FCHO1: variants seen among roughly 807,000 people sequenced by gnomAD.
The protein encoded by FCHO1 is F-BAR domain only protein 1.
A neutral mutation model predicts 114.4 loss-of-function variants in FCHO1; 45 were observed. The ratio of observed to expected loss-of-function variants is 0.39; its 90% confidence interval spans 0.31 to 0.50. The LOEUF (loss-of-function observed/expected upper bound fraction) is 0.50, where lower values mean the gene tolerates loss of function less well. Among genes scored for constraint, FCHO1 ranks in the 20% least tolerant of loss-of-function variants. The pLI, the probability that FCHO1 is intolerant of heterozygous loss-of-function variation, is 0.77. For synonymous variants in FCHO1, 480 were observed against 488.9 expected (o/e 0.98, Z 0.24); for missense variants, 1,042 against 1,209.6 (o/e 0.86, Z 2.06).
At chr19:17,774,814 C>A (rs1191616618) in intron 13 of FCHO1, 1 of 584,126 alleles carries the variant, frequency 1.7e-6, no homozygotes, top group Non-Finnish European at 3.0e-6. Flanking sequence ...ACAAGGCAGC[C>A]CTTCAAATGA....
intron 20 of FCHO1, 57 bp downstream of exon 20, chr19:17,778,941 C>CATCA (rs1252618857): frequency 6.9e-7 from 1 of 1,459,440 alleles, no homozygotes; most frequent in Admixed American, 2.5e-5. Flanking sequence ...GGGGATTGAG[C>CATCA]GCCTGCTTTG....
chr19:17,754,946 C>G (rs1876477935), intron 3 of FCHO1, 172 bp from the exon 4 acceptor site: 1 of 585,258 alleles, frequency 1.7e-6, no homozygotes, highest in African/African-American at 1.9e-5. Flanking sequence ...ACTGGAGCTA[C>G]TTGGGACCAG....
chr19:17,781,697 C>A lies in FCHO1; in HGVS notation c.1829-15C>A. 1 of 1,589,896 alleles carries A rather than the reference C, an allele frequency of 6.3e-7. No homozygotes were observed. Among genetic ancestry groups the A allele is most frequent in the South Asian group, 1.1e-5 (1 of 88,384 alleles). On this transcript the variant is annotated splice_polypyrimidine_tract_variant and intron_variant, in intron 22 of 28. Coordinates refer to ENST00000596536, the MANE Select transcript of FCHO1 (RefSeq NM_015122.3). ...GTCTATCCGTTGTTCCCCATTCCCT[C>A]TCCACCACCCCCAGGAGTCTCCCGG... is the stretch of plus-strand genomic sequence containing the variant.
chr19:17,762,383 C>A (rs1042869974), intron 4 of FCHO1, among the ~76,000 whole-genome samples: 1 of 151,676 alleles, frequency 6.6e-6, no homozygotes, highest in Non-Finnish European at 1.5e-5. Context: ...CCCCTGTGGC[C>A]ACATAATTCC....
At chr19:17,759,959 A>C (rs548213682) in intron 4 of FCHO1, among the ~76,000 whole-genome samples, 16 of 152,230 alleles carry the variant, frequency 1.1e-4, no homozygotes, top group African/African-American at 3.4e-4. Flanking sequence ...TGCATTTGCC[A>C]ACACCTCTAC....
intron 28 of FCHO1, 31 bp downstream of exon 28, chr19:17,787,877 CAGG>C (rs1362329394): frequency 6.2e-7 from 1 of 1,600,310 alleles, no homozygotes; most frequent in Non-Finnish European, 8.5e-7. Flanking sequence ...TGGGTGACCT[CAGG>C]AGCCGAGATC....
chr19:17,769,520 A>G (rs553998200), intron 7 of FCHO1, among the ~76,000 whole-genome samples: 1 of 151,404 alleles, frequency 6.6e-6, no homozygotes, highest in East Asian at 2.0e-4. Context: ...CGGAGCTTGC[A>G]GTGAGCCAAG....
chr19:17,763,735 A>AT (rs537627843), intron 5 of FCHO1, among the ~76,000 whole-genome samples: 2 of 150,602 alleles, frequency 1.3e-5, no homozygotes, highest in Admixed American at 1.3e-4. Flanking sequence ...GTTAAAAAAA[A>AT]TTTTTTTTGT....
At chr19:17,757,770 G>T (rs2084247662) in intron 4 of FCHO1, among the ~76,000 whole-genome samples, 1 of 152,022 alleles carries the variant, frequency 6.6e-6, no homozygotes. Flanking sequence ...CAAAAAATTA[G>T]CTGGGTGTGG....
chr19:17,768,984 T>TAA lies in FCHO1; in HGVS notation c.337-1432_337-1431dup, dbSNP rs35517360. On this transcript the variant is annotated intron_variant, in intron 7 of 28. Coordinates refer to ENST00000596536, the MANE Select transcript of FCHO1 (RefSeq NM_015122.3). ...GGCAACACAGTGAGACCCCATCTCT[T>TAA]AAAAAAAAAAGCTGGGCACAGTGAC... Among the ~76,000 whole-genome samples the TAA allele has an allele frequency of 5.2e-3, 766 of 147,304 alleles. 4 individuals carry two copies. The highest frequency in any genetic ancestry group is 9.7e-3 in the Admixed American group (143 of 14,758).
rs1439097583 is a variant in FCHO1, at chr19:17,783,242, CCT to C, written c.2093+75_2093+76del. ...GATCAGGCTTCCGGACTCTGAGTTC[CCT>C]CTCTGCTTCCTGGGATTTTTTCTTT... On this transcript the variant is annotated intron_variant, in intron 24 of 28. Coordinates refer to ENST00000596536, the MANE Select transcript of FCHO1 (RefSeq NM_015122.3). 4.7e-6 allele frequency: 7 copies of C among 1,485,412 alleles called. No individual in the cohort carries two copies. In the African/African-American group the frequency reaches 1.0e-4, roughly 21 times the overall value. The allele number at this position is 1,485,412 out of a possible 1,614,324, so 92.0% of individuals were successfully genotyped here. A position where few individuals can be genotyped will look rare whatever the true frequency, so the allele number is the denominator to read the frequency against.
Position 17,784,247 on chromosome 19 carries a change from G to T in FCHO1, c.2226+12G>T. 4 of 1,587,394 alleles carry T rather than the reference G, an allele frequency of 2.5e-6. No homozygotes were observed. The highest frequency in any genetic ancestry group is 3.4e-6 in the Non-Finnish European group (4 of 1,167,186). On this transcript the variant is annotated intron_variant, in intron 25 of 28. Coordinates refer to ENST00000596536, the MANE Select transcript of FCHO1 (RefSeq NM_015122.3). This position sits in a 1 kb window ranked among gnomAD's most constrained non-coding sequence, Gnocchi z 5.3. ...TGCTGCGATACCAGGTGCGCCACCC[G>T]CATGGGGCCGGGAGGAGGTGGTGGA...
chr19:17,749,154 C>T (rs961124579), upstream of FCHO1, among the ~76,000 whole-genome samples: 4 of 152,124 alleles, frequency 2.6e-5, no homozygotes, highest in African/African-American at 9.7e-5. Flanking sequence ...AACCTGTTCT[C>T]GGGCGAGGTC....
At chr19:17,768,841 G>A (rs144265227) in intron 7 of FCHO1, among the ~76,000 whole-genome samples, 1 of 152,122 alleles carries the variant, frequency 6.6e-6, no homozygotes, top group Non-Finnish European at 1.5e-5. Flanking sequence ...GGCCAGGAGT[G>A]AATTTTTAAG....
rs751201281 is a variant in FCHO1, at chr19:17,764,429, C to A, written c.174C>A (p.Ala58=). The change falls in exon 6 of 29, where the codon GCC becomes GCA. Residue 58 remains alanine, a synonymous_variant. Coordinates refer to ENST00000596536, the MANE Select transcript of FCHO1 (RefSeq NM_015122.3). ...CGATGGCGAAACTCTCCAAGCTGGC[C>A]AGCAACGGGACCCCCATGGGGTGAG... ...SKAMAKLSKL[A]SNGTPMGTFA... The A allele has an allele frequency of 6.2e-7, 1 of 1,613,222 alleles. No individual in the cohort carries two copies.
In FCHO1 at chr19:17,778,603, C is replaced by T. The variant is rs769252667; in HGVS notation, c.1352-6C>T. ...TCGGAGCTGACCGCCCGCTTCCCTC[C>T]CCAAGGCTCTAGCAGCCTGGGCTTC... On this transcript the variant is annotated splice_polypyrimidine_tract_variant and splice_region_variant and intron_variant, in intron 19 of 28. Coordinates refer to ENST00000596536, the MANE Select transcript of FCHO1 (RefSeq NM_015122.3). The T allele has an allele frequency of 1.3e-6, 2 of 1,543,484 alleles. No homozygotes were observed. Among genetic ancestry groups the T allele is most frequent in the African/African-American group, 1.4e-5 (1 of 73,194 alleles).
At position 17,784,018 on chromosome 19, in the gene FCHO1, A is replaced by T. The variant is rs2093656891; in HGVS notation, c.2094-85A>T. Reference sequence around the variant, plus strand: ...GGCCCAGGGTGGGCCAGGAAATTGCATCTTTAGGAAGGGGTAGATTGAATG... The same window carrying T: ...GGCCCAGGGTGGGCCAGGAAATTGCTTCTTTAGGAAGGGGTAGATTGAATG... On this transcript the variant is annotated intron_variant, in intron 24 of 28. Transcript: ENST00000596536. The surrounding 1 kb of genome is among the most constrained non-coding windows in gnomAD (Gnocchi z 5.3). The T allele has an allele frequency of 2.0e-6, 3 of 1,509,872 alleles. No homozygotes were observed. The highest frequency in any genetic ancestry group is 2.7e-6 in the Non-Finnish European group (3 of 1,112,236). 93.5% of individuals were successfully genotyped at this position (1,509,872 alleles called of 1,614,324 possible). A position where few individuals can be genotyped will look rare whatever the true frequency, so the allele number is the denominator to read the frequency against.
intron 18 of FCHO1, among the ~76,000 whole-genome samples, chr19:17,777,092 C>T (rs956327657): frequency 1.3e-5 from 2 of 151,972 alleles, no homozygotes; most frequent in Non-Finnish European, 2.9e-5. Flanking sequence ...GCCCTTGTGC[C>T]TGGCCCATGC....
Position 17,775,308 on chromosome 19 carries a change from C to A in FCHO1, c.946-148C>A. The A allele has an allele frequency of 1.1e-6, 1 of 892,294 alleles. No individual in the cohort carries two copies. Among genetic ancestry groups the A allele is most frequent in the Non-Finnish European group, 1.8e-6 (1 of 543,834 alleles). The allele number at this position is 892,294 out of a possible 1,614,324, so 55.3% of individuals were successfully genotyped here. ...TCAGTTTGTCCCAGGAACCTGCCCA[C>A]ACACCCAGGGAAGACAGTCGTTGCC... is the stretch of plus-strand genomic sequence containing the variant. On this transcript the variant is annotated intron_variant, in intron 14 of 28. Transcript: ENST00000596536. This position sits in a 1 kb window ranked among gnomAD's most constrained non-coding sequence, Gnocchi z 5.1.
Sources: allele counts gnomAD v4.1 joint callset (sites outside exome capture counted in the v4.1 genomes callset), GRCh38; gene constraint gnomAD v4.1.1; non-coding constraint Gnocchi (gnomAD v3.1); transcripts MANE v1.5; gene names NCBI Gene and HGNC (gene_info 2026-07-23, HGNC 2026-07-21).